SMYD3: variants seen among roughly 807,000 people sequenced by gnomAD.
The protein encoded by SMYD3 is SET and MYND domain containing 3.
A neutral mutation model predicts 57.7 loss-of-function variants in SMYD3; 36 were observed. The ratio of observed to expected loss-of-function variants is 0.62; its 90% CI spans 0.48 to 0.82. SMYD3 has a LOEUF of 0.82. Among genes scored for constraint, SMYD3 ranks in the 40% least tolerant of loss-of-function variants. SMYD3 has a pLI of 0.00. For missense variants in SMYD3, 515 were observed against 538.8 expected, an observed-to-expected ratio of 0.96 and a Z score of 0.44; for synonymous variants, 211 against 195.0, an observed-to-expected ratio of 1.08 and a Z score of -0.68.
At chr1:246,393,857 T>TA (rs950768425) in intron 1 of SMYD3, among the ~76,000 whole-genome samples, 22 of 152,018 alleles carry the variant, frequency 1.4e-4, no homozygotes, top group Non-Finnish European at 2.6e-4. Flanking sequence ...CCTGTCTTTA[T>TA]AAAAAAATCT....
chr1:246,403,436 G>C (rs934890054), intron 1 of SMYD3, among the ~76,000 whole-genome samples: 7 of 152,150 alleles, frequency 4.6e-5, no homozygotes, highest in African/African-American at 1.7e-4. Flanking sequence ...AGTTAAATCA[G>C]ATGGCATTAG....
intron 5 of SMYD3, among the ~76,000 whole-genome samples, chr1:246,210,892 C>T (rs1257786217): frequency 6.6e-6 from 1 of 152,040 alleles, no homozygotes; most frequent in Non-Finnish European, 1.5e-5. Flanking sequence ...ATTCTGATTT[C>T]GCAGAAACAT....
intron 5 of SMYD3, among the ~76,000 whole-genome samples, chr1:246,286,576 T>C (rs997009946): frequency 2.0e-5 from 3 of 152,210 alleles, no homozygotes; most frequent in Admixed American, 6.5e-5. Flanking sequence ...CTGAAGGTCT[T>C]TTTAAAAATT....
At chr1:246,220,298 G>A (rs984311141) in intron 5 of SMYD3, among the ~76,000 whole-genome samples, 2 of 151,052 alleles carry the variant, frequency 1.3e-5, no homozygotes, top group Non-Finnish European at 3.0e-5. Context: ...GCAGGGAGAA[G>A]ACCCCACCCG....
At chr1:245,902,139 C>T (rs532947987) in intron 8 of SMYD3, among the ~76,000 whole-genome samples, 1 of 152,268 alleles carries the variant, frequency 6.6e-6, no homozygotes, top group Non-Finnish European at 1.5e-5. Flanking sequence ...ACTCAGAGGG[C>T]TGCAGTATCA....
chr1:245,938,963 T>C (rs978495980), intron 5 of SMYD3, among the ~76,000 whole-genome samples: 1 of 152,014 alleles, frequency 6.6e-6, no homozygotes, highest in African/African-American at 2.4e-5. Flanking sequence ...CTGGCCAACA[T>C]GGTGAAACCC....
chr1:246,383,295 C>A (rs1337667469), intron 1 of SMYD3, among the ~76,000 whole-genome samples: 1 of 152,200 alleles, frequency 6.6e-6, no homozygotes, highest in Non-Finnish European at 1.5e-5. Context: ...ATGGGTAGAT[C>A]AGAGATCTCA....
chr1:245,870,386 C>T (rs1558441981), intron 8 of SMYD3, among the ~76,000 whole-genome samples: 1 of 152,192 alleles, frequency 6.6e-6, no homozygotes. Context: ...CGGACCCACG[C>T]TTTCTGACAA....
chr1:246,219,536 C>T (rs1410458228), intron 5 of SMYD3, among the ~76,000 whole-genome samples: 1 of 152,142 alleles, frequency 6.6e-6, no homozygotes, highest in East Asian at 1.9e-4. Context: ...CTCCCAGATG[C>T]CAGACAAGAT....
At chr1:245,876,141 T>TA (rs1048468354) in intron 8 of SMYD3, among the ~76,000 whole-genome samples, 2 of 152,130 alleles carry the variant, frequency 1.3e-5, no homozygotes, top group African/African-American at 4.8e-5. Flanking sequence ...CATGCCCACA[T>TA]ACACACACAT....
At chr1:246,070,348 A>G (rs1230815468) in intron 5 of SMYD3, among the ~76,000 whole-genome samples, 2 of 152,200 alleles carry the variant, frequency 1.3e-5, no homozygotes, top group East Asian at 3.8e-4. Context: ...AGGTCCAAAT[A>G]TACTCTCTTG....
chr1:246,396,382 A>G (rs915957908), intron 1 of SMYD3, among the ~76,000 whole-genome samples: 7 of 152,148 alleles, frequency 4.6e-5, no homozygotes, highest in African/African-American at 1.7e-4. Flanking sequence ...CTAATTATAT[A>G]TCAAACCACA....
chr1:246,329,557 ATTTG>A (rs2065424079), intron 4 of SMYD3, among the ~76,000 whole-genome samples: 1 of 151,762 alleles, frequency 6.6e-6, no homozygotes, highest in Admixed American at 6.6e-5. Flanking sequence ...TTTCTTGTTA[ATTTG>A]TTTGAGTTCA....
intron 5 of SMYD3, among the ~76,000 whole-genome samples, chr1:246,268,723 G>C (rs2064159256): frequency 6.6e-6 from 1 of 151,870 alleles, no homozygotes; most frequent in Non-Finnish European, 1.5e-5. Context: ...GAAAAGAGAA[G>C]AGGAAAGAAA....
At chr1:246,237,065 C>T (rs1056154143) in intron 5 of SMYD3, among the ~76,000 whole-genome samples, 6 of 152,126 alleles carry the variant, frequency 3.9e-5, no homozygotes, top group East Asian at 1.9e-4. Context: ...ACCAAAGAGA[C>T]GACCACATTA....
At chr1:245,971,562 G>A (rs923654015) in intron 5 of SMYD3, among the ~76,000 whole-genome samples, 1 of 152,156 alleles carries the variant, frequency 6.6e-6, no homozygotes, top group African/African-American at 2.4e-5. Context: ...TGGTTAGAAC[G>A]CATTCTTCTT....
At chr1:245,824,618 C>A (rs1434271686) in intron 10 of SMYD3, among the ~76,000 whole-genome samples, 1 of 151,892 alleles carries the variant, frequency 6.6e-6, no homozygotes, top group Non-Finnish European at 1.5e-5. Context: ...CACTTTGGGA[C>A]GTCAAGGCAG....
chr1:246,354,972 G>A, intron 2 of SMYD3, 59 bp downstream of exon 2: 1 of 1,507,500 alleles, frequency 6.6e-7, no homozygotes, highest in Non-Finnish European at 9.2e-7. Context: ...TATAGTGAAG[G>A]ACAAATTTAA....
At chr1:246,411,842 G>GGAGA (rs1265529678) in intron 1 of SMYD3, among the ~76,000 whole-genome samples, 1 of 122,660 alleles carries the variant, frequency 8.2e-6, no homozygotes, top group Non-Finnish European at 1.7e-5. Flanking sequence ...GGGGGAGGGG[G>GGAGA]GAGGGATAGC....
Sources: gnomAD v4.1 joint callset for allele counts (sites outside exome capture counted in the v4.1 genomes callset) on GRCh38, gnomAD v4.1.1 for gene constraint, MANE v1.5 for transcripts, NCBI Gene and HGNC (gene_info 2026-07-23, HGNC 2026-07-21) for gene names.